SPAG16: variants seen among roughly 807,000 people sequenced by gnomAD.
SPAG16 encodes sperm-associated antigen 16 protein.
Under a neutral mutation model 80.4 loss-of-function variants are expected in SPAG16, and 86 were observed. That is an observed-to-expected ratio of 1.07 (90% CI 0.90 to 1.28). SPAG16 has a LOEUF of 1.28. SPAG16 is among the 50% of genes most tolerant of loss of function. SPAG16 has a pLI of 0.00. For missense variants in SPAG16, 870 were observed against 765.3 expected (o/e 1.14, Z -1.61); for synonymous variants, 294 against 265.9 (o/e 1.11, Z -1.03).
At chr2:214,170,724 G>A (rs1252101610) in intron 15 of SPAG16, among the ~76,000 whole-genome samples, 2 of 151,992 alleles carry the variant, frequency 1.3e-5, no homozygotes, top group Non-Finnish European at 2.9e-5. Context: ...ATAAGCTCAT[G>A]ATTATGTCCT....
intron 12 of SPAG16, among the ~76,000 whole-genome samples, chr2:213,998,771 A>T (rs977969230): frequency 1.3e-5 from 2 of 152,194 alleles, no homozygotes; most frequent in Non-Finnish European, 2.9e-5. Context: ...GTCCAGGCTG[A>T]GGTGGTCTCA....
chr2:213,381,003 T>C (rs546169056), intron 9 of SPAG16, among the ~76,000 whole-genome samples: 1 of 152,314 alleles, frequency 6.6e-6, no homozygotes, highest in Admixed American at 6.5e-5. Flanking sequence ...ATTTTACTAA[T>C]TGACTAATAT....
At chr2:213,638,244 A>T (rs1437028827) in intron 10 of SPAG16, among the ~76,000 whole-genome samples, 3 of 151,524 alleles carry the variant, frequency 2.0e-5, no homozygotes, top group Non-Finnish European at 4.4e-5. Flanking sequence ...AATTTCTTTT[A>T]GTTCTGCTCT....
At chr2:214,127,992 G>T (rs1278380511) in intron 14 of SPAG16, among the ~76,000 whole-genome samples, 4 of 151,826 alleles carry the variant, frequency 2.6e-5, no homozygotes, top group African/African-American at 9.7e-5. Flanking sequence ...AAAAGTGGTA[G>T]AATTTAGTAT....
intron 10 of SPAG16, among the ~76,000 whole-genome samples, chr2:213,678,725 C>A (rs995409705): frequency 6.6e-6 from 1 of 152,116 alleles, no homozygotes; most frequent in Admixed American, 6.6e-5. Context: ...GTTCCTAGAG[C>A]AGCCCTAGGG....
At chr2:213,528,627 C>CGAGTG (rs1559223705) in intron 10 of SPAG16, among the ~76,000 whole-genome samples, 1 of 152,084 alleles carries the variant, frequency 6.6e-6, no homozygotes, top group African/African-American at 2.4e-5. Context: ...TAGCCTCACT[C>CGAGTG]CCCTCTTTGA....
At chr2:214,349,704 T>C (rs1199492714) in intron 15 of SPAG16, among the ~76,000 whole-genome samples, 1 of 152,262 alleles carries the variant, frequency 6.6e-6, no homozygotes, top group Non-Finnish European at 1.5e-5. Flanking sequence ...TCACCACCAA[T>C]GCACAAGAGT....
At chr2:214,023,542 T>A (rs991311453) in intron 13 of SPAG16, among the ~76,000 whole-genome samples, 34 of 151,874 alleles carry the variant, frequency 2.2e-4, no homozygotes, top group African/African-American at 8.0e-4. Context: ...AGACTATAAA[T>A]CAGATGTTTT....
intron 12 of SPAG16, among the ~76,000 whole-genome samples, chr2:213,971,533 C>T (rs781098364): frequency 6.6e-6 from 1 of 151,942 alleles, no homozygotes; most frequent in African/African-American, 2.4e-5. Flanking sequence ...CCATTTTAAA[C>T]GTAGAGTTTT....
At chr2:213,695,160 C>T (rs2065105311) in intron 10 of SPAG16, among the ~76,000 whole-genome samples, 1 of 152,068 alleles carries the variant, frequency 6.6e-6, no homozygotes, top group African/African-American at 2.4e-5. Context: ...TATCTTTTAA[C>T]CATATCTTTT....
At chr2:213,527,080 A>G (rs73988535) in intron 10 of SPAG16, among the ~76,000 whole-genome samples, 13,228 of 152,234 alleles carry the variant, frequency 0.087, 1,438 homozygotes, top group African/African-American at 0.25. Flanking sequence ...GTATCCTTAA[A>G]GCTATCTCTG....
chr2:213,400,133 GC>G (rs2068237598), intron 9 of SPAG16, among the ~76,000 whole-genome samples: 1 of 151,692 alleles, frequency 6.6e-6, no homozygotes, highest in Non-Finnish European at 1.5e-5. Context: ...ATTATGTTTA[GC>G]TTTTTTCTTG....
intron 14 of SPAG16, among the ~76,000 whole-genome samples, chr2:214,123,285 C>T (rs983483289): frequency 7.0e-6 from 1 of 142,216 alleles, no homozygotes; most frequent in African/African-American, 2.5e-5. Context: ...AACCTCCAAT[C>T]ACTCCTATAG....
At chr2:213,308,150 A>T (rs142762077) in intron 3 of SPAG16, among the ~76,000 whole-genome samples, 3 of 152,226 alleles carry the variant, frequency 2.0e-5, no homozygotes, top group African/African-American at 4.8e-5. Context: ...TATTTTTTTA[A>T]TTTTATTTTT....
chr2:213,349,422 TG>T (rs1284595138), intron 6 of SPAG16, among the ~76,000 whole-genome samples: 1 of 152,136 alleles, frequency 6.6e-6, no homozygotes, highest in Non-Finnish European at 1.5e-5. Context: ...GATAATAAGA[TG>T]GATAAACTCT....
intron 15 of SPAG16, among the ~76,000 whole-genome samples, chr2:214,403,488 C>T (rs533379904): frequency 2.4e-4 from 37 of 151,916 alleles, no homozygotes; most frequent in African/African-American, 8.4e-4. Flanking sequence ...ATTCTTTCTT[C>T]GTTTGAAACC....
chr2:214,364,065 A>C (rs1699334673), intron 15 of SPAG16, among the ~76,000 whole-genome samples: 1 of 151,964 alleles, frequency 6.6e-6, no homozygotes, highest in Non-Finnish European at 1.5e-5. Flanking sequence ...ATCCCTTCTA[A>C]TCAAGAAACC....
At chr2:213,948,472 A>T (rs2079567022) in intron 12 of SPAG16, among the ~76,000 whole-genome samples, 1 of 151,684 alleles carries the variant, frequency 6.6e-6, no homozygotes, top group African/African-American at 2.4e-5. Flanking sequence ...TCACTCTCTA[A>T]TTTTTTTTGT....
chr2:213,560,903 G>A (rs554559261), intron 10 of SPAG16, among the ~76,000 whole-genome samples: 2 of 152,266 alleles, frequency 1.3e-5, no homozygotes, highest in South Asian at 2.1e-4. Context: ...TTGCTCTGTC[G>A]CCTAGGCTGG....
Sources: gnomAD v4.1 joint callset for allele counts (sites outside exome capture counted in the v4.1 genomes callset) on GRCh38, gnomAD v4.1.1 for gene constraint, MANE v1.5 for transcripts, NCBI Gene and HGNC (gene_info 2026-07-23, HGNC 2026-07-21) for gene names.